The following ATG4B variants were observed in gnomAD, a reference collection of about 807,000 sequenced individuals.
ATG4B encodes the protein cysteine protease ATG4B.
Under a neutral mutation model 56.6 loss-of-function variants are expected in ATG4B, and 29 were observed. The observed-to-expected ratio is 0.51, with a 90% confidence interval of 0.38 to 0.70. The LOEUF (loss-of-function observed/expected upper bound fraction) is 0.70. ATG4B is among the 30% of genes least tolerant of loss of function. The probability of loss-of-function intolerance (pLI) is 0.00; values close to 1 mark genes in which losing one functional copy is unlikely to be tolerated. For synonymous variants in ATG4B, 224 were observed against 206.1 expected (o/e 1.09, Z -0.74); for missense variants, 461 against 515.5 (o/e 0.89, Z 1.02).
chr2:241,665,773 T>C (rs1464922439), intron 7 of ATG4B, among the ~76,000 whole-genome samples: 2 of 152,156 alleles, frequency 1.3e-5, no homozygotes, highest in Non-Finnish European at 2.9e-5. Context: ...TAATGGTGGT[T>C]TTTCTAGCCT....
intron 8 of ATG4B, among the ~76,000 whole-genome samples, chr2:241,667,552 C>T (rs1044375848): frequency 6.6e-6 from 1 of 150,860 alleles, no homozygotes; most frequent in Non-Finnish European, 1.5e-5. Context: ...TGCAGTGACC[C>T]GAGATCATGC....
Position 241,654,667 on chromosome 2 carries a change from G to A in ATG4B, c.385+20G>A, listed in dbSNP as rs772450839. 1.3e-5 allele frequency: 20 copies of A among 1,572,376 alleles called. No homozygotes were observed. In the East Asian group the frequency reaches 3.5e-4, roughly 27 times the overall value. On this transcript the variant is annotated intron_variant, in intron 5 of 12. Transcript: ENST00000404914. ...AGATAGGTGGGAGGCTGCAGAATGT[G>A]CCAGGCCCCACCCGGGCTGTCTGGA...
intron 1 of ATG4B, among the ~76,000 whole-genome samples, chr2:241,644,747 C>T (rs4675899): frequency 0.36 from 53,998 of 151,740 alleles, 9,820 homozygotes; most frequent in East Asian, 0.46. Context: ...ATGAGGAGTT[C>T]GAGACCAGCC....
intron 1 of ATG4B, among the ~76,000 whole-genome samples, chr2:241,642,305 T>C (rs2067914534): frequency 6.6e-6 from 1 of 152,078 alleles, no homozygotes; most frequent in South Asian, 2.1e-4. Flanking sequence ...AGCTTTCTGA[T>C]GTAGCTAAAT....
Position 241,655,301 on chromosome 2 carries a change from T to C in ATG4B, c.416T>C (p.Ile139Thr). 1.9e-6 allele frequency: 3 copies of C among 1,612,344 alleles called. No homozygotes were observed. The highest frequency in any genetic ancestry group is 1.7e-6 in the Non-Finnish European group (2 of 1,179,214). The change falls in exon 6 of 13, where the codon ATA (isoleucine) becomes ACA (threonine). Residue 139 changes from isoleucine (I) to threonine (T), a missense_variant. Ile to Thr is a moderately conservative substitution (Grantham distance 89). Coordinates refer to ENST00000404914, the MANE Select transcript of ATG4B (RefSeq NM_013325.5). The part of the protein sequence containing the change: ...AQMGVGEGKS[I>T]GQWYGPNTVA... ...ATGGGAGTTGGCGAAGGCAAGTCCATAGGCCAGTGGTACGGGCCCAACACT... is the reference window on the plus strand; with the variant it reads ...ATGGGAGTTGGCGAAGGCAAGTCCACAGGCCAGTGGTACGGGCCCAACACT...
chr2:241,643,625 C>T (rs903056892), intron 1 of ATG4B, among the ~76,000 whole-genome samples: 5 of 147,790 alleles, frequency 3.4e-5, no homozygotes, highest in African/African-American at 7.5e-5. Flanking sequence ...TATATATACA[C>T]ATAAATATAT....
At chr2:241,660,082 C>T (rs1039922701) in intron 7 of ATG4B, among the ~76,000 whole-genome samples, 18 of 152,088 alleles carry the variant, frequency 1.2e-4, no homozygotes, top group African/African-American at 2.7e-4. Flanking sequence ...CCCAGCTACT[C>T]GGGAGGCTGA....
Position 241,666,687 on chromosome 2 carries a change from C to A in ATG4B, c.581C>A (p.Ala194Glu). Residue 194 changes from alanine (A) to glutamate (E), a missense_variant, in exon 8 of 13, where the codon GCG becomes GAG. Ala to Glu is a moderately radical substitution (Grantham distance 107). Transcript: ENST00000404914. ...RTSVPCAGAT[A>E]FPADSDRHCN... Reference sequence around the variant, plus strand: ...AGCGTTCCCTGTGCAGGCGCCACTGCGTTTCCTGCAGATTCCGACCGGCAC... The same window carrying A: ...AGCGTTCCCTGTGCAGGCGCCACTGAGTTTCCTGCAGATTCCGACCGGCAC... 6.2e-7 allele frequency: 1 copy of A among 1,613,436 alleles called. No individual in the cohort carries two copies. The highest frequency in any genetic ancestry group is 8.5e-7 in the Non-Finnish European group (1 of 1,179,736).
intron 1 of ATG4B, among the ~76,000 whole-genome samples, chr2:241,648,690 C>G (rs1281998430): frequency 6.6e-6 from 1 of 152,108 alleles, no homozygotes; most frequent in Non-Finnish European, 1.5e-5. Context: ...TCCACAACGC[C>G]CGTCATCTTG....
intron 1 of ATG4B, among the ~76,000 whole-genome samples, chr2:241,650,350 G>T (rs1282870291): frequency 6.6e-6 from 1 of 152,106 alleles, no homozygotes; most frequent in Admixed American, 6.5e-5. Context: ...TTCTACCTGA[G>T]AGTAGCACCC....
intron 1 of ATG4B, among the ~76,000 whole-genome samples, chr2:241,643,866 G>A (rs1045166003): frequency 1.3e-5 from 2 of 151,844 alleles, no homozygotes; most frequent in Non-Finnish European, 2.9e-5. Flanking sequence ...CCCGGCGAGT[G>A]GATATTTTTT....
Position 241,668,278 on chromosome 2 carries a change from A to G in ATG4B, c.811+57A>G, listed in dbSNP as rs1356234343. 3 of 1,538,336 alleles carry G rather than the reference A, an allele frequency of 2.0e-6. No homozygotes were observed. The highest frequency in any genetic ancestry group is 2.7e-5 in the African/African-American group (2 of 72,772). The stretch of plus-strand genomic sequence containing the variant: ...GGCCTGGGCCTTTTAAGGGCATTCC[A>G]TGAGCAGGTACCACACCCCAGGTGA... On this transcript the variant is annotated intron_variant, in intron 9 of 12. Coordinates refer to ENST00000404914, the MANE Select transcript of ATG4B (RefSeq NM_013325.5). The surrounding 1 kb of genome is among the most constrained non-coding windows in gnomAD (Gnocchi z 4.2).
chr2:241,659,198 C>G lies in ATG4B; in HGVS notation c.538+11C>G. ...TGATGGAGGAAATCAGTAAGTGGCT[C>G]AGAGTTTCCATGGACAAGAAAGTTG... On this transcript the variant is annotated intron_variant, in intron 7 of 12. Coordinates refer to ENST00000404914, the MANE Select transcript of ATG4B (RefSeq NM_013325.5). 6.2e-7 allele frequency: 1 copy of G among 1,611,844 alleles called. No individual in the cohort carries two copies. The highest frequency in any genetic ancestry group is 1.3e-5 in the African/African-American group (1 of 75,028).
At chr2:241,642,564 T>G (rs1024610180) in intron 1 of ATG4B, among the ~76,000 whole-genome samples, 6 of 44,552 alleles carry the variant, frequency 1.3e-4, no homozygotes, top group Admixed American at 7.5e-4. Context: ...CTCTTAAATT[T>G]ACTCGTTTTT....
At chr2:241,671,858 C>CT in intron 12 of ATG4B, 1 of 1,291,646 alleles carries the variant, frequency 7.7e-7, no homozygotes, top group Non-Finnish European at 9.9e-7. Flanking sequence ...CTCCTCATCT[C>CT]TGTCTCCCTG....
chr2:241,655,967 C>G (rs187005451), intron 6 of ATG4B, among the ~76,000 whole-genome samples: 2 of 152,198 alleles, frequency 1.3e-5, no homozygotes, highest in South Asian at 4.1e-4. Context: ...TGGTCTGATT[C>G]CATGTGTCCT....
chr2:241,640,918 A>G (rs557342219), intron 1 of ATG4B, among the ~76,000 whole-genome samples: 14 of 152,254 alleles, frequency 9.2e-5, no homozygotes, highest in Admixed American at 2.0e-4. Context: ...GTGAGGACTC[A>G]GTGTTTATTC....
intron 1 of ATG4B, among the ~76,000 whole-genome samples, chr2:241,639,130 GGTGA>G (rs1186137113): frequency 6.6e-6 from 1 of 152,190 alleles, no homozygotes; most frequent in Non-Finnish European, 1.5e-5. Context: ...TGGGTGTGTG[GGTGA>G]GTGAGTGCCG....
intron 1 of ATG4B, among the ~76,000 whole-genome samples, chr2:241,645,282 T>G (rs1309190464): frequency 2.0e-5 from 3 of 152,202 alleles, no homozygotes; most frequent in Admixed American, 6.5e-5. Flanking sequence ...GCTGCAGGTC[T>G]CTTTGGTCCT....
Sources: gnomAD v4.1 joint callset for allele counts (sites outside exome capture counted in the v4.1 genomes callset) on GRCh38, gnomAD v4.1.1 for gene constraint, Gnocchi (gnomAD v3.1) non-coding constraint, MANE v1.5 for transcripts, NCBI Gene and HGNC (gene_info 2026-07-23, HGNC 2026-07-21) for gene names.